POLK: variants seen among roughly 807,000 people sequenced by gnomAD.
POLK encodes the protein DNA polymerase kappa.
A neutral mutation model predicts 94.0 loss-of-function variants in POLK; 76 were observed. The ratio of observed to expected loss-of-function variants is 0.81; its 90% confidence interval spans 0.67 to 0.98. The LOEUF is 0.98. Among genes scored for constraint, POLK ranks in the 50% least tolerant of loss-of-function variants. The pLI is 0.00. For synonymous variants in POLK, 349 were observed against 325.4 expected (o/e 1.07, Z -0.78); for missense variants, 954 against 1,010.1 (o/e 0.94, Z 0.75).
At chr5:75,537,657 G>T (rs1461463730) in intron 1 of POLK, among the ~76,000 whole-genome samples, 1 of 152,092 alleles carries the variant, frequency 6.6e-6, no homozygotes, top group Non-Finnish European at 1.5e-5. Context: ...TAATCTATTT[G>T]TTAGAAGCAG....
intron 1 of POLK, among the ~76,000 whole-genome samples, chr5:75,529,897 A>T (rs895238387): frequency 2.0e-5 from 3 of 152,216 alleles, no homozygotes; most frequent in African/African-American, 7.2e-5. Context: ...CCAGTCTTAC[A>T]TTCCAGGAGA....
chr5:75,566,745 G>C (rs1384475111), intron 3 of POLK, among the ~76,000 whole-genome samples: 1 of 152,146 alleles, frequency 6.6e-6, no homozygotes, highest in African/African-American at 2.4e-5. Flanking sequence ...ACCTCAGTTG[G>C]AAATGCAGAA....
intron 1 of POLK, among the ~76,000 whole-genome samples, chr5:75,524,442 C>T (rs1768735978): frequency 6.6e-6 from 1 of 152,094 alleles, no homozygotes; most frequent in Non-Finnish European, 1.5e-5. Context: ...TCAGTGCTGT[C>T]AGCAAACATC....
chr5:75,542,868 G>A (rs905185876), intron 1 of POLK, among the ~76,000 whole-genome samples: 35 of 147,578 alleles, frequency 2.4e-4, no homozygotes, highest in Admixed American at 9.4e-4. Context: ...ATCTGCCACC[G>A]CGCCCAGCTA....
intron 1 of POLK, among the ~76,000 whole-genome samples, chr5:75,530,245 C>CTTTTTTTT (rs575507126): frequency 5.8e-4 from 56 of 95,930 alleles, no homozygotes; most frequent in East Asian, 1.3e-3. Context: ...ATTTGTATTT[C>CTTTTTTTT]TTTTTTTTTT....
At chr5:75,532,054 GA>G (rs986063663) in intron 1 of POLK, among the ~76,000 whole-genome samples, 1 of 152,192 alleles carries the variant, frequency 6.6e-6, no homozygotes, top group Non-Finnish European at 1.5e-5. Flanking sequence ...ATCTAAGATG[GA>G]AGTCCCATTC....
rs183734931 is a variant in POLK, at chr5:75,588,672, G to A, written c.1259+1614G>A. Reference sequence around the variant, plus strand: ...AAACAAATTTATTCTCTATCATTCTGAAAGTCAGCGGTTCTAAAGTTAATG... The same window carrying A: ...AAACAAATTTATTCTCTATCATTCTAAAAGTCAGCGGTTCTAAAGTTAATG... On this transcript the variant is annotated intron_variant, in intron 10 of 14. Transcript: ENST00000241436. Among the ~76,000 whole-genome samples the A allele has an allele frequency of 4.6e-5, 7 of 152,252 alleles. No individual in the cohort carries two copies. The East Asian group carries it at 1.2e-3, about 25-fold the overall frequency.
At chr5:75,529,234 A>G (rs1303607441) in intron 1 of POLK, among the ~76,000 whole-genome samples, 1 of 152,150 alleles carries the variant, frequency 6.6e-6, no homozygotes. Flanking sequence ...AAGGGGAGGC[A>G]AGCACATTAC....
At chr5:75,512,155 A>C in intron 1 of POLK, 1 of 212,270 alleles carries the variant, frequency 4.7e-6, no homozygotes, top group Non-Finnish European at 9.5e-6. Context: ...TTCCGCCTCA[A>C]CCATGGGCTG....
At chr5:75,592,288 C>T (rs201899422) in intron 11 of POLK, among the ~76,000 whole-genome samples, 9 of 152,300 alleles carry the variant, frequency 5.9e-5, no homozygotes, top group South Asian at 4.1e-4. Flanking sequence ...ATTCATAAGT[C>T]GTTTTCAGTG....
At chr5:75,594,160 T>C (rs1772941416) in intron 12 of POLK, 111 bp downstream of exon 12, 2 of 693,342 alleles carry the variant, frequency 2.9e-6, no homozygotes, top group South Asian at 4.0e-5. Context: ...ACTTAATGAT[T>C]TTTCAACTTT....
chr5:75,512,978 A>G (rs1200386920), intron 1 of POLK: 1 of 152,190 alleles, frequency 6.6e-6, no homozygotes, highest in Non-Finnish European at 1.5e-5. Flanking sequence ...AAATACAAAG[A>G]TTAGCCGAGC....
chr5:75,543,145 C>T (rs1056561583), intron 1 of POLK, among the ~76,000 whole-genome samples: 2 of 151,580 alleles, frequency 1.3e-5, no homozygotes, highest in South Asian at 2.1e-4. Flanking sequence ...CAGGTTCAAG[C>T]GTTTCTCCTG....
At chr5:75,519,864 TCATTTA>T (rs1768487730) in intron 1 of POLK, among the ~76,000 whole-genome samples, 1 of 152,186 alleles carries the variant, frequency 6.6e-6, no homozygotes, top group Non-Finnish European at 1.5e-5. Context: ...AGACTTGAGT[TCATTTA>T]CATTCAGTGT....
intron 11 of POLK, among the ~76,000 whole-genome samples, chr5:75,591,740 G>A (rs1220307998): frequency 6.6e-6 from 1 of 152,106 alleles, no homozygotes; most frequent in Non-Finnish European, 1.5e-5. Flanking sequence ...TCATGACCTT[G>A]ACAGTGTTGG....
intron 1 of POLK, among the ~76,000 whole-genome samples, chr5:75,518,338 C>T (rs1026902850): frequency 6.6e-6 from 1 of 152,018 alleles, no homozygotes; most frequent in African/African-American, 2.4e-5. Context: ...TTCAGGTTTT[C>T]AGTTTATTCA....
intron 11 of POLK, among the ~76,000 whole-genome samples, chr5:75,592,308 T>C (rs1772831380): frequency 6.6e-6 from 1 of 152,244 alleles, no homozygotes; most frequent in Non-Finnish European, 1.5e-5. Flanking sequence ...GAGACACTTT[T>C]AGAAAGATTT....
exon 2 of POLK, chr5:75,547,051 G>C: frequency 6.5e-7 from 1 of 1,531,752 alleles, no homozygotes; most frequent in Non-Finnish European, 8.9e-7. Flanking sequence ...AAGTGTGACA[G>C]TTACAAAGAT....
chr5:75,597,855 TTAAG>T, intron 14 of POLK, 66 bp downstream of exon 14: 1 of 1,163,804 alleles, frequency 8.6e-7, no homozygotes, highest in Non-Finnish European at 1.2e-6. Context: ...TTATAAATTA[TTAAG>T]TAATCAATAT....
Sources: allele counts gnomAD v4.1 joint callset (sites outside exome capture counted in the v4.1 genomes callset), GRCh38; gene constraint gnomAD v4.1.1; transcripts MANE v1.5; gene names NCBI Gene and HGNC (gene_info 2026-07-23, HGNC 2026-07-21).